C7orf78: variants seen among roughly 807,000 people sequenced by gnomAD.
C7orf78 encodes putative uncharacterized protein C7orf78.
At chr7:12,486,950 T>TC in the C7orf78 span, 1 of 44,780 alleles carries the variant, frequency 2.2e-5, no homozygotes, top group Admixed American at 2.3e-4. Context: ...TTTATACACC[T>TC]CCTTTTTTTT....
the C7orf78 span, chr7:12,530,999 C>T: frequency 2.5e-6 from 1 of 398,352 alleles, no homozygotes; most frequent in Non-Finnish European, 4.4e-6. Context: ...TTCCTTTGTA[C>T]CATCTTCCTT....
chr7:12,530,552 C>T, the C7orf78 span: 1 of 152,054 alleles, frequency 6.6e-6, no homozygotes, highest in Non-Finnish European at 1.5e-5. Context: ...GATCCATGTC[C>T]CACCTTCTCA....
At chr7:12,516,267 G>A in the C7orf78 span, among the ~76,000 whole-genome samples, 1 of 152,372 alleles carries the variant, frequency 6.6e-6, no homozygotes, top group Admixed American at 6.5e-5. Context: ...TTCAGAGGGT[G>A]CAAGCCCCAA....
At chr7:12,484,357 A>G in the C7orf78 span, among the ~76,000 whole-genome samples, 1 of 152,304 alleles carries the variant, frequency 6.6e-6, no homozygotes, top group South Asian at 2.1e-4. Context: ...GCAGATCAAA[A>G]CATTTCTGCT....
At chr7:12,531,154 C>T in the C7orf78 span, 3 of 397,718 alleles carry the variant, frequency 7.5e-6, no homozygotes, top group Non-Finnish European at 8.9e-6. Context: ...CATTACTACT[C>T]AATTTCTGTT....
chr7:12,530,850 G>T, the C7orf78 span, among the ~76,000 whole-genome samples: 1 of 152,126 alleles, frequency 6.6e-6, no homozygotes. Flanking sequence ...GTCACATAAG[G>T]ATGCTTCGTA....
chr7:12,492,722 G>C, the C7orf78 span, among the ~76,000 whole-genome samples: 187 of 152,254 alleles, frequency 1.2e-3, 1 homozygote, highest in Non-Finnish European at 2.4e-3. Context: ...TTCCAACTAA[G>C]AATTTTGTCT....
At chr7:12,518,962 G>A in the C7orf78 span, among the ~76,000 whole-genome samples, 1 of 152,144 alleles carries the variant, frequency 6.6e-6, no homozygotes, top group African/African-American at 2.4e-5. Context: ...ATTTGAGGAT[G>A]TGCACTAGAG....
the C7orf78 span, among the ~76,000 whole-genome samples, chr7:12,492,439 T>G: frequency 6.6e-6 from 1 of 152,196 alleles, no homozygotes; most frequent in Non-Finnish European, 1.5e-5. Flanking sequence ...ATTCAAATTT[T>G]ATGTTGAAAC....
At chr7:12,497,520 T>C in the C7orf78 span, among the ~76,000 whole-genome samples, 2 of 152,188 alleles carry the variant, frequency 1.3e-5, no homozygotes, top group African/African-American at 4.8e-5. Context: ...TACTGCGCTT[T>C]TCCCACGGGC....
the C7orf78 span, among the ~76,000 whole-genome samples, chr7:12,531,654 G>T: frequency 6.6e-6 from 1 of 152,080 alleles, no homozygotes; most frequent in Non-Finnish European, 1.5e-5. Context: ...AACATTACCT[G>T]TGGCTTAGTT....
chr7:12,485,796 A>G, the C7orf78 span, among the ~76,000 whole-genome samples: 1 of 139,002 alleles, frequency 7.2e-6, no homozygotes, highest in African/African-American at 2.7e-5. Flanking sequence ...CTACACCATC[A>G]TTCACTAATT....
chr7:12,533,411 G>C, the C7orf78 span, among the ~76,000 whole-genome samples: 1 of 151,804 alleles, frequency 6.6e-6, no homozygotes, highest in Non-Finnish European at 1.5e-5. Flanking sequence ...ATGTTGGCCA[G>C]GCTGGTCTCG....
chr7:12,513,875 C>T, the C7orf78 span, among the ~76,000 whole-genome samples: 2 of 152,196 alleles, frequency 1.3e-5, no homozygotes, highest in East Asian at 3.9e-4. Flanking sequence ...TGGTGGGTGC[C>T]TGTAGTCCCA....
At chr7:12,525,018 T>C in the C7orf78 span, among the ~76,000 whole-genome samples, 1 of 152,136 alleles carries the variant, frequency 6.6e-6, no homozygotes, top group Non-Finnish European at 1.5e-5. Context: ...TAAACCTCAG[T>C]GAAGGCTTTT....
the C7orf78 span, among the ~76,000 whole-genome samples, chr7:12,511,137 G>A: frequency 0.29 from 44,203 of 151,368 alleles, 7,054 homozygotes; most frequent in African/African-American, 0.42. Context: ...GTATTGAAGA[G>A]GGTTTTTGTT....
the C7orf78 span, among the ~76,000 whole-genome samples, chr7:12,494,704 T>G: frequency 3.3e-4 from 51 of 152,270 alleles, no homozygotes; most frequent in East Asian, 9.8e-3. Context: ...ATTCTAGAAT[T>G]TATTGAGGTT....
At chr7:12,485,797 T>C in the C7orf78 span, among the ~76,000 whole-genome samples, 1 of 140,178 alleles carries the variant, frequency 7.1e-6, no homozygotes, top group African/African-American at 2.7e-5. Context: ...TACACCATCA[T>C]TCACTAATTG....
the C7orf78 span, among the ~76,000 whole-genome samples, chr7:12,508,928 G>A: frequency 1.5e-3 from 235 of 152,296 alleles, no homozygotes; most frequent in Admixed American, 3.9e-3. Context: ...ACAAGCTCAA[G>A]GCTCCCACCA....
Sources: allele counts gnomAD v4.1 joint callset (sites outside exome capture counted in the v4.1 genomes callset), GRCh38; gene constraint gnomAD v4.1.1; transcripts MANE v1.5; gene names NCBI Gene and HGNC (gene_info 2026-07-23, HGNC 2026-07-21).